The following KDM4C variants were observed in gnomAD, a reference collection of about 807,000 sequenced individuals.
The protein encoded by KDM4C is lysine demethylase 4C, also known as lysine-specific demethylase 4C.
In KDM4C, 81 loss-of-function variants were observed where a neutral mutation model predicts 129.3. The ratio of observed to expected loss-of-function variants is 0.63; its 90% CI spans 0.52 to 0.75. The LOEUF is 0.75. Among genes scored for constraint, KDM4C ranks in the 30% least tolerant of loss-of-function variants. KDM4C has a pLI of 0.00. For missense variants in KDM4C, 1,457 were observed against 1,304.0 expected (o/e 1.12, Z -1.81); for synonymous variants, 573 against 456.1 (o/e 1.26, Z -3.26).
rs556986075 is a variant in KDM4C at position 7,028,096 on chromosome 9, G to A, written c.2259+12167G>A. Among the ~76,000 whole-genome samples, 11 of 152,224 alleles carry A rather than the reference G, an allele frequency of 7.2e-5. No individual in the cohort carries two copies. In the South Asian group the frequency reaches 2.3e-3, roughly 32 times the overall value. On this transcript the variant is annotated intron_variant, in intron 15 of 21. Coordinates refer to ENST00000381309, the MANE Select transcript of KDM4C (RefSeq NM_015061.6). ...TACTCCAATTCCTGTGGCCAAGCTGGTACCTAAGGTGCAAGAGAAAGTCAC... is the reference window on the plus strand; with the variant it reads ...TACTCCAATTCCTGTGGCCAAGCTGATACCTAAGGTGCAAGAGAAAGTCAC...
At chr9:6,998,042 C>G (rs1314117578) in intron 12 of KDM4C, among the ~76,000 whole-genome samples, 2 of 152,296 alleles carry the variant, frequency 1.3e-5, no homozygotes, top group African/African-American at 4.8e-5. Context: ...GGTTTTGGGT[C>G]TGATTTTCTC....
At chr9:7,146,422 T>C (rs1842221181) in intron 19 of KDM4C, among the ~76,000 whole-genome samples, 1 of 152,236 alleles carries the variant, frequency 6.6e-6, no homozygotes, top group African/African-American at 2.4e-5. Flanking sequence ...TCTAGATCTT[T>C]ACAGATTGCT....
At chr9:7,159,932 A>G (rs934163256) in intron 19 of KDM4C, among the ~76,000 whole-genome samples, 2 of 152,154 alleles carry the variant, frequency 1.3e-5, no homozygotes, top group Admixed American at 6.5e-5. Context: ...GTGTTTTCCA[A>G]CTTGGTTCTA....
chr9:6,920,789 G>A (rs115732716), intron 8 of KDM4C, among the ~76,000 whole-genome samples: 2,238 of 152,190 alleles, frequency 0.015, 55 homozygotes, highest in African/African-American at 0.051. Flanking sequence ...TGCTTGGTGG[G>A]TCTGGATCTT....
At chr9:7,113,464 T>C (rs1249272850) in intron 18 of KDM4C, among the ~76,000 whole-genome samples, 1 of 152,200 alleles carries the variant, frequency 6.6e-6, no homozygotes, top group Admixed American at 6.5e-5. Flanking sequence ...TTGAACCCTA[T>C]TCAGAACCCC....
intron 17 of KDM4C, among the ~76,000 whole-genome samples, chr9:7,054,251 G>A (rs1013346086): frequency 1.3e-5 from 2 of 152,128 alleles, no homozygotes; most frequent in Admixed American, 6.5e-5. Flanking sequence ...GTGTGCCTGA[G>A]GACTGAAAGA....
At chr9:7,093,543 T>C (rs1210218662) in intron 17 of KDM4C, among the ~76,000 whole-genome samples, 1 of 152,226 alleles carries the variant, frequency 6.6e-6, no homozygotes, top group Admixed American at 6.5e-5. Flanking sequence ...TCACTTGGCA[T>C]TGGATGGTCC....
intron 3 of KDM4C, among the ~76,000 whole-genome samples, chr9:6,809,213 T>A (rs538511510): frequency 6.6e-6 from 1 of 152,350 alleles, no homozygotes; most frequent in Non-Finnish European, 1.5e-5. Flanking sequence ...TTGGTATTAA[T>A]AGAGTTTTAT....
chr9:7,123,418 G>C (rs897507018), intron 18 of KDM4C, among the ~76,000 whole-genome samples: 1 of 152,140 alleles, frequency 6.6e-6, no homozygotes, highest in African/African-American at 2.4e-5. Context: ...GGGATAAATA[G>C]GGATATCACT....
At chr9:6,820,360 G>A (rs1832810549) in intron 4 of KDM4C, among the ~76,000 whole-genome samples, 1 of 152,188 alleles carries the variant, frequency 6.6e-6, no homozygotes, top group Non-Finnish European at 1.5e-5. Context: ...TGCTGAAATT[G>A]CAGGTTGTTT....
intron 3 of KDM4C, among the ~76,000 whole-genome samples, chr9:6,806,874 CTCCG>C (rs1459362149): frequency 7.4e-6 from 1 of 134,724 alleles, no homozygotes; most frequent in African/African-American, 3.3e-5. Flanking sequence ...CCCTCTCCGT[CTCCG>C]TCTCCCTCTC....
chr9:6,843,858 A>T (rs1837402623), intron 4 of KDM4C, among the ~76,000 whole-genome samples: 1 of 152,130 alleles, frequency 6.6e-6, no homozygotes, highest in South Asian at 2.1e-4. Flanking sequence ...TGGACATGCC[A>T]TCTTTTTCTT....
At chr9:6,983,868 T>C (rs1198070035) in intron 9 of KDM4C, among the ~76,000 whole-genome samples, 1 of 152,248 alleles carries the variant, frequency 6.6e-6, no homozygotes, top group Non-Finnish European at 1.5e-5. Flanking sequence ...ACTTTATTTT[T>C]ATTTTCAGAC....
In KDM4C at chr9:7,015,890, A is replaced by G. The variant is rs778414782; in HGVS notation, c.2220A>G (p.Gly740=). 19 of 1,613,104 alleles carry G rather than the reference A, an allele frequency of 1.2e-5. No homozygotes were observed. The South Asian group carries it at 1.9e-4, about 16-fold the overall frequency. ...YGIPSHEICD[G]WLCARCKRNA... Reference sequence around the variant, plus strand: ...TTCCTTCTCATGAGATCTGTGATGGATGGCTGTGTGCCCGGTGCAAAAGAA... The same window carrying G: ...TTCCTTCTCATGAGATCTGTGATGGGTGGCTGTGTGCCCGGTGCAAAAGAA... Residue 740 remains glycine (G), a synonymous_variant, in exon 15 of 22, where the codon GGA becomes GGG. Coordinates refer to ENST00000381309, the MANE Select transcript of KDM4C (RefSeq NM_015061.6).
At chr9:6,738,883 C>T (rs1239727795) in intron 1 of KDM4C, among the ~76,000 whole-genome samples, 1 of 151,196 alleles carries the variant, frequency 6.6e-6, no homozygotes, top group African/African-American at 2.4e-5. Flanking sequence ...TCACGCCTGG[C>T]CGCCCAGCTA....
intron 17 of KDM4C, among the ~76,000 whole-genome samples, chr9:7,067,781 A>G (rs1024666544): frequency 5.3e-5 from 8 of 152,098 alleles, no homozygotes. Flanking sequence ...CATTGTTAAC[A>G]TATTGGAGTA....
chr9:6,885,508 CA>C (rs1845113447), intron 6 of KDM4C, among the ~76,000 whole-genome samples: 1 of 151,858 alleles, frequency 6.6e-6, no homozygotes, highest in Admixed American at 6.6e-5. Context: ...CTCTGGAATA[CA>C]AGCTTTTTAT....
rs182043876 is a variant in KDM4C, at chr9:7,036,495, G to C, written c.2260-10367G>C. Among the ~76,000 whole-genome samples, 565 of 152,208 alleles carry C rather than the reference G, an allele frequency of 3.7e-3. 2 individuals are homozygous for C. The highest frequency in any genetic ancestry group is 0.013 in the African/African-American group (526 of 41,550). On this transcript the variant is annotated intron_variant, in intron 15 of 21. Coordinates refer to ENST00000381309, the MANE Select transcript of KDM4C (RefSeq NM_015061.6). The stretch of plus-strand genomic sequence containing the variant: ...AACATAGCTACCAGAGCGGTGCTCT[G>C]AACACCTCAAATTAATTTTCATAGC...
intron 17 of KDM4C, among the ~76,000 whole-genome samples, chr9:7,091,642 C>T (rs1299104273): frequency 6.6e-6 from 1 of 152,196 alleles, no homozygotes; most frequent in African/African-American, 2.4e-5. Flanking sequence ...GCTGAAAACC[C>T]TGAATCTGAC....
Sources: allele counts gnomAD v4.1 joint callset (sites outside exome capture counted in the v4.1 genomes callset), GRCh38; gene constraint gnomAD v4.1.1; transcripts MANE v1.5; gene names NCBI Gene and HGNC (gene_info 2026-07-23, HGNC 2026-07-21).